Variants in ST6GAL2 observed in about 807,000 individuals in gnomAD.
ST6GAL2 encodes ST6 beta-galactoside alpha-2,6-sialyltransferase 2, also known as beta-galactoside alpha-2,6-sialyltransferase 2.
ST6GAL2 carries 24 observed loss-of-function variants against 37.5 expected under a neutral mutation model. The ratio of observed to expected loss-of-function variants is 0.64; its 90% confidence interval spans 0.46 to 0.90. ST6GAL2 has a LOEUF of 0.90. ST6GAL2 is among the 40% of genes least tolerant of loss of function. The probability of loss-of-function intolerance (pLI) is 0.00; values close to 1 mark genes in which losing one functional copy is unlikely to be tolerated. For synonymous variants in ST6GAL2, 306 were observed against 295.1 expected, an observed-to-expected ratio of 1.04 and a Z score of -0.38; for missense variants, 715 against 712.7, an observed-to-expected ratio of 1.00 and a Z score of -0.04.
chr2:106,842,924 G>A, intron 2 of ST6GAL2, 111 bp downstream of exon 2: 2 of 697,918 alleles, frequency 2.9e-6, no homozygotes, highest in Non-Finnish European at 4.2e-6. Flanking sequence ...CACCTGGTGC[G>A]GAGACCCCAG....
intron 1 of ST6GAL2, among the ~76,000 whole-genome samples, chr2:106,882,086 T>C (rs1233310427): frequency 6.6e-6 from 1 of 152,228 alleles, no homozygotes; most frequent in Non-Finnish European, 1.5e-5. Flanking sequence ...CATTTTTAAG[T>C]TGCAGCTTAA....
chr2:106,822,870 G>A (rs1676056363), intron 5 of ST6GAL2: 1 of 152,102 alleles, frequency 6.6e-6, no homozygotes, highest in South Asian at 2.1e-4. Context: ...TGAAAGCATA[G>A]TTTAATTTCA....
chr2:106,877,551 T>C lies in ST6GAL2; in HGVS notation c.-58+8542A>G, dbSNP rs983610211. Among the ~76,000 whole-genome samples, 4 of 152,202 alleles carry C rather than the reference T, an allele frequency of 2.6e-5. No homozygotes were observed. In the East Asian group the frequency reaches 5.8e-4, roughly 22 times the overall value. On this transcript the variant is annotated intron_variant, in intron 1 of 5. Coordinates refer to ENST00000409382, the MANE Select transcript of ST6GAL2 (RefSeq NM_001142351.2). ...AATGGGGCCTGTGACTTAGTCTCTA[T>C]TTCTCCCCCACCTTAGAGACTGTCA...
chr2:106,854,774 G>A (rs919678224), intron 1 of ST6GAL2, among the ~76,000 whole-genome samples: 10 of 152,164 alleles, frequency 6.6e-5, no homozygotes, highest in African/African-American at 2.2e-4. Flanking sequence ...TAAGTAACCT[G>A]AGTGTTTTTA....
chr2:106,854,108 T>G (rs549559627), intron 1 of ST6GAL2, among the ~76,000 whole-genome samples: 1 of 152,306 alleles, frequency 6.6e-6, no homozygotes, highest in Non-Finnish European at 1.5e-5. Context: ...AAGTGGGCTT[T>G]GAGGTAAAAG....
intron 1 of ST6GAL2, among the ~76,000 whole-genome samples, chr2:106,868,775 A>G (rs1199057172): frequency 6.6e-6 from 1 of 152,176 alleles, no homozygotes; most frequent in African/African-American, 2.4e-5. Context: ...ATCATAGGTC[A>G]ACTTGCTTTT....
At chr2:106,877,786 T>G (rs1678568757) in intron 1 of ST6GAL2, among the ~76,000 whole-genome samples, 1 of 152,216 alleles carries the variant, frequency 6.6e-6, no homozygotes, top group African/African-American at 2.4e-5. Flanking sequence ...TTCCTACAAT[T>G]CTGTTCCCTA....
chr2:106,824,346 G>A (rs1357900683), intron 5 of ST6GAL2, among the ~76,000 whole-genome samples: 1 of 152,154 alleles, frequency 6.6e-6, no homozygotes, highest in Non-Finnish European at 1.5e-5. Flanking sequence ...AATAATGCTG[G>A]AATAGGCCAG....
intron 1 of ST6GAL2, among the ~76,000 whole-genome samples, chr2:106,857,626 A>C (rs1415692680): frequency 6.6e-6 from 1 of 151,954 alleles, no homozygotes; most frequent in Non-Finnish European, 1.5e-5. Context: ...AAACAAAACC[A>C]AAAAAAACCA....
chr2:106,829,934 C>A, intron 5 of ST6GAL2, 132 bp downstream of exon 5: 2 of 875,220 alleles, frequency 2.3e-6, no homozygotes, highest in East Asian at 2.6e-5. Flanking sequence ...AATCCAAAAT[C>A]AGAAATACTT....
chr2:106,881,938 T>C (rs1052410635), intron 1 of ST6GAL2, among the ~76,000 whole-genome samples: 1 of 152,236 alleles, frequency 6.6e-6, no homozygotes, highest in Admixed American at 6.5e-5. Flanking sequence ...ACCAACCCAG[T>C]AACTCAAAGC....
intron 2 of ST6GAL2, chr2:106,834,405 G>C (rs985952354): frequency 8.4e-6 from 3 of 356,228 alleles, no homozygotes; most frequent in African/African-American, 6.4e-5. Context: ...GTGATATTTA[G>C]ATACTTGCTA....
At chr2:106,807,136 G>T (rs553574723) in intron 5 of ST6GAL2, among the ~76,000 whole-genome samples, 187 bp from the exon 6 acceptor site, 1 of 152,032 alleles carries the variant, frequency 6.6e-6, no homozygotes, top group South Asian at 2.1e-4. Flanking sequence ...GAGTATGGGG[G>T]CATATTAAAA....
At chr2:106,853,809 G>A (rs967212280) in intron 1 of ST6GAL2, among the ~76,000 whole-genome samples, 4 of 152,164 alleles carry the variant, frequency 2.6e-5, no homozygotes, top group Non-Finnish European at 4.4e-5. Context: ...GAAGGGGGAG[G>A]TGGAAATGAT....
Position 106,803,837 on chromosome 2 carries a change from C to T in ST6GAL2, c.*2841G>A, listed in dbSNP as rs1165996436. On this transcript the variant is annotated 3_prime_UTR_variant, in exon 6 of 6. Transcript: ENST00000409382. ...GAGAAATTCAGTGAGCTGCCACTTA[C>T]TGTTAACTACTCCACAGAAGAACTA... 6.6e-6 allele frequency: 1 copy of T among 152,140 alleles called. No homozygotes were observed. The highest frequency in any genetic ancestry group is 1.5e-5 in the Non-Finnish European group (1 of 68,032). 9.4% of individuals were successfully genotyped at this position (152,140 alleles called of 1,614,324 possible). A position where few individuals can be genotyped will look rare whatever the true frequency, so the allele number is the denominator to read the frequency against.
At chr2:106,867,602 G>GC (rs1480871186) in intron 1 of ST6GAL2, among the ~76,000 whole-genome samples, 3 of 152,074 alleles carry the variant, frequency 2.0e-5, no homozygotes, top group African/African-American at 7.2e-5. Context: ...AAGTCCTTCT[G>GC]CTTTTTTTTT....
At chr2:106,884,625 T>C (rs1028977988) in intron 1 of ST6GAL2, among the ~76,000 whole-genome samples, 2 of 152,144 alleles carry the variant, frequency 1.3e-5, no homozygotes, top group Admixed American at 6.5e-5. Flanking sequence ...CATTTGTATC[T>C]ATTGCGGCAA....
intron 1 of ST6GAL2, among the ~76,000 whole-genome samples, chr2:106,879,740 ATAT>A (rs1424873374): frequency 8.1e-5 from 12 of 147,586 alleles, no homozygotes; most frequent in Admixed American, 3.4e-4. Flanking sequence ...GACCAATTAT[ATAT>A]TATTATATAT....
chr2:106,860,971 A>G (rs1677774607), intron 1 of ST6GAL2, among the ~76,000 whole-genome samples: 1 of 152,212 alleles, frequency 6.6e-6, no homozygotes, highest in Non-Finnish European at 1.5e-5. Flanking sequence ...TGCTGCCTTC[A>G]GCAGTTTTAC....
Sources: gnomAD v4.1 joint callset for allele counts (sites outside exome capture counted in the v4.1 genomes callset) on GRCh38, gnomAD v4.1.1 for gene constraint, MANE v1.5 for transcripts, NCBI Gene and HGNC (gene_info 2026-07-23, HGNC 2026-07-21) for gene names.